The following UGGT2 variants were observed in gnomAD, a reference collection of about 807,000 sequenced individuals.
UGGT2 encodes UDP-glucose glycoprotein glucosyltransferase 2.
Under a neutral mutation model 192.1 loss-of-function variants are expected in UGGT2, and 180 were observed. The observed-to-expected ratio is 0.94, with a 90% confidence interval of 0.83 to 1.06. The LOEUF is 1.06. Ranked by LOEUF, UGGT2 falls within the 50% of genes least tolerant of loss-of-function variation. The pLI is 0.00. For missense variants in UGGT2, 1,849 were observed against 1,795.7 expected (o/e 1.03, Z -0.54); for synonymous variants, 580 against 591.0 (o/e 0.98, Z 0.27).
intron 6 of UGGT2, among the ~76,000 whole-genome samples, chr13:95,998,363 T>C (rs1001148504): frequency 2.0e-5 from 3 of 152,142 alleles, no homozygotes; most frequent in African/African-American, 7.2e-5. Context: ...AAAATCAGAG[T>C]ATTATTTTTA....
At chr13:95,914,991 G>C (rs2048636450) in intron 20 of UGGT2, among the ~76,000 whole-genome samples, 1 of 152,040 alleles carries the variant, frequency 6.6e-6, no homozygotes, top group Non-Finnish European at 1.5e-5. Flanking sequence ...TGCTTCTATG[G>C]GTCAATGATT....
At chr13:95,933,852 T>G (rs9516626) in intron 17 of UGGT2, among the ~76,000 whole-genome samples, 53,746 of 151,794 alleles carry the variant, frequency 0.35, 10,216 homozygotes, top group East Asian at 0.45. Flanking sequence ...CAGCTAATTT[T>G]TTTTTGTACT....
At chr13:95,933,604 G>A (rs1268067375) in intron 17 of UGGT2, among the ~76,000 whole-genome samples, 1 of 151,938 alleles carries the variant, frequency 6.6e-6, no homozygotes, top group Non-Finnish European at 1.5e-5. Context: ...TAGCTTTGAG[G>A]TTAGTTCATT....
chr13:95,822,556 C>T (rs989139565), intron 38 of UGGT2, among the ~76,000 whole-genome samples: 1 of 152,044 alleles, frequency 6.6e-6, no homozygotes, highest in Non-Finnish European at 1.5e-5. Flanking sequence ...CCTAATTGCT[C>T]TGGCTAGGAC....
At chr13:95,806,051 A>AAAAC (rs1555331428) in intron 38 of UGGT2, among the ~76,000 whole-genome samples, 1 of 151,260 alleles carries the variant, frequency 6.6e-6, no homozygotes, top group African/African-American at 2.4e-5. Context: ...AAAAAAAAAA[A>AAAAC]ACACACAGTG....
Position 95,875,006 on chromosome 13 carries a change from C to A in UGGT2, c.3473+2273G>T, listed in dbSNP as rs746072557. Among the ~76,000 whole-genome samples the A allele has an allele frequency of 2.0e-5, 3 of 152,080 alleles. No individual in the cohort carries two copies. In the East Asian group the frequency reaches 5.8e-4, roughly 29 times the overall value. ...ATGCCTAGCCTAAGTGTAAATTTAA[C>A]GTTTCTAGGAACTGTCCAATTGTTC... On this transcript the variant is annotated intron_variant, in intron 29 of 38. Transcript: ENST00000376747.
chr13:95,956,260 T>C (rs548898817), intron 12 of UGGT2, among the ~76,000 whole-genome samples: 2 of 152,270 alleles, frequency 1.3e-5, no homozygotes, highest in South Asian at 2.1e-4. Flanking sequence ...TAAATCTGCA[T>C]TTATGATCAA....
chr13:95,923,523 C>T (rs2048916373), intron 20 of UGGT2, among the ~76,000 whole-genome samples: 1 of 152,094 alleles, frequency 6.6e-6, no homozygotes. Context: ...CATGTGCCAT[C>T]ACGTCCAGCA....
rs747485004 is a variant in UGGT2 at position 95,902,887 on chromosome 13, G to T, written c.2469C>A (p.Tyr823Ter). 5.0e-6 allele frequency: 8 copies of T among 1,613,228 alleles called. No homozygotes were observed. In the East Asian group the frequency reaches 1.6e-4, roughly 32 times the overall value. Residue 823 changes from tyrosine to a stop codon, truncating the protein, a stop_gained, in exon 21 of 39, where the codon TAC (tyrosine) becomes TAA (stop). Transcript: ENST00000376747. LOFTEE classifies it high-confidence loss of function. ...LAKEEIATAI[Y>*]SGDKIKTFLI... is the part of the protein sequence containing the mutation. ...GGAATGTTTTAATTTTATCTCCAGA[G>T]TAAATAGCTGTAGCAATTTCTTCCT... is the stretch of plus-strand genomic sequence containing the variant.
intron 38 of UGGT2, among the ~76,000 whole-genome samples, chr13:95,829,482 C>T (rs972320451): frequency 1.3e-5 from 2 of 152,200 alleles, no homozygotes; most frequent in African/African-American, 2.4e-5. Context: ...TCTCTGGATA[C>T]AAAATCAATG....
At chr13:96,026,608 G>A (rs2052671598) in intron 2 of UGGT2, among the ~76,000 whole-genome samples, 1 of 147,792 alleles carries the variant, frequency 6.8e-6, no homozygotes, top group South Asian at 2.1e-4. Flanking sequence ...TCCTAATCCA[G>A]TTGCTTTAAA....
intron 37 of UGGT2, among the ~76,000 whole-genome samples, chr13:95,833,994 T>G (rs1887005595): frequency 6.6e-6 from 1 of 152,200 alleles, no homozygotes; most frequent in African/African-American, 2.4e-5. Context: ...GTCTTAACCC[T>G]TTCCTCACCA....
At chr13:95,841,849 G>A (rs965877604) in intron 36 of UGGT2, among the ~76,000 whole-genome samples, 1 of 152,072 alleles carries the variant, frequency 6.6e-6, no homozygotes, top group African/African-American at 2.4e-5. Flanking sequence ...GATCCATTTT[G>A]AGTTAATTTT....
At position 95,805,801 on chromosome 13, in the gene UGGT2, T is replaced by C. The variant is rs146779155; in HGVS notation, c.4529-3989A>G. On this transcript the variant is annotated intron_variant, in intron 38 of 38. Coordinates refer to ENST00000376747, the MANE Select transcript of UGGT2 (RefSeq NM_020121.4). ...GGGGAAGGGGAACTGTTAATGAGTA[T>C]AGAGTTTCAGATTTGCAACATGAAA... Among the ~76,000 whole-genome samples the C allele has an allele frequency of 3.2e-3, 490 of 152,190 alleles. 3 individuals carry two copies. Among genetic ancestry groups the C allele is most frequent in the African/African-American group, 0.011 (463 of 41,538 alleles).
intron 38 of UGGT2, among the ~76,000 whole-genome samples, chr13:95,814,070 G>A (rs1002933668): frequency 3.3e-5 from 5 of 152,246 alleles, no homozygotes; most frequent in Non-Finnish European, 7.3e-5. Flanking sequence ...GCAGAAGCCT[G>A]CTGCAAGGGT....
chr13:95,831,596 CT>C (rs996921384), intron 38 of UGGT2, among the ~76,000 whole-genome samples: 4 of 151,866 alleles, frequency 2.6e-5, no homozygotes, highest in African/African-American at 9.7e-5. Context: ...CATCATTTTT[CT>C]TTTTTTAAGT....
intron 20 of UGGT2, among the ~76,000 whole-genome samples, chr13:95,906,049 T>C (rs1340836787): frequency 1.3e-5 from 2 of 152,302 alleles, no homozygotes; most frequent in African/African-American, 2.4e-5. Flanking sequence ...ACCAAACTGT[T>C]TTCAATTACG....
At position 95,818,185 on chromosome 13, in the gene UGGT2, C is replaced by T. The variant is rs74359419; in HGVS notation, c.4528+14742G>A. The stretch of plus-strand genomic sequence containing the variant: ...TAAATTAGCTGGGAGCAATGGTGCA[C>T]GCCTGTAGTCCCAGCTACTCAGGAG... On this transcript the variant is annotated intron_variant, in intron 38 of 38. Transcript: ENST00000376747. Among the ~76,000 whole-genome samples, 319 of 152,134 alleles carry T rather than the reference C, an allele frequency of 2.1e-3. 3 individuals carry two copies. The highest frequency in any genetic ancestry group is 7.2e-3 in the African/African-American group (297 of 41,518).
chr13:95,863,433 T>C (rs1054798315), intron 31 of UGGT2, 196 bp downstream of exon 31: 1 of 502,456 alleles, frequency 2.0e-6, no homozygotes, highest in Non-Finnish European at 3.5e-6. Flanking sequence ...CATTGGTTTG[T>C]ATAGTATTTT....
Sources: allele counts gnomAD v4.1 joint callset (sites outside exome capture counted in the v4.1 genomes callset), GRCh38; gene constraint gnomAD v4.1.1; transcripts MANE v1.5; gene names NCBI Gene and HGNC (gene_info 2026-07-23, HGNC 2026-07-21).